PPP1R21: variants seen among roughly 807,000 people sequenced by gnomAD.
PPP1R21 encodes KLRAQ motif containing 1.
Under a neutral mutation model 112.8 loss-of-function variants are expected in PPP1R21, and 85 were observed. The observed-to-expected ratio is 0.75, with a 90% CI of 0.63 to 0.90. The LOEUF (loss-of-function observed/expected upper bound fraction) is 0.90. Ranked by LOEUF, PPP1R21 falls within the 40% of genes least tolerant of loss-of-function variation. PPP1R21 has a pLI of 0.00. For missense variants in PPP1R21, 1,199 were observed against 901.5 expected (o/e 1.33, Z -4.23); for synonymous variants, 381 against 322.3 (o/e 1.18, Z -1.95).
At chr2:48,443,674 C>T (rs967518859) in intron 1 of PPP1R21, among the ~76,000 whole-genome samples, 7 of 152,330 alleles carry the variant, frequency 4.6e-5, no homozygotes, top group African/African-American at 1.4e-4. Flanking sequence ...CACAGGAGAA[C>T]AGATCCTGAT....
chr2:48,483,294 G>A (rs1669118020), intron 13 of PPP1R21, among the ~76,000 whole-genome samples: 1 of 128,010 alleles, frequency 7.8e-6, no homozygotes, highest in South Asian at 2.5e-4. Context: ...CGATTCTCCT[G>A]CCTCAGCCTC....
intron 12 of PPP1R21, 25 bp downstream of exon 12, chr2:48,474,844 T>A: frequency 1.2e-6 from 2 of 1,604,828 alleles, no homozygotes; most frequent in Non-Finnish European, 1.7e-6. Context: ...TGCTTAGGGG[T>A]CAACTTCAAG....
At chr2:48,476,536 C>T (rs1334872401) in intron 12 of PPP1R21, among the ~76,000 whole-genome samples, 1 of 152,160 alleles carries the variant, frequency 6.6e-6, no homozygotes, top group Non-Finnish European at 1.5e-5. Flanking sequence ...GAGTGTTTTA[C>T]AAAGTGCTGT....
At chr2:48,459,241 C>T (rs951649815) in intron 4 of PPP1R21, among the ~76,000 whole-genome samples, 1 of 151,958 alleles carries the variant, frequency 6.6e-6, no homozygotes, top group African/African-American at 2.4e-5. Context: ...TTTTTGACCA[C>T]AGTGTATTTT....
chr2:48,500,683 G>T (rs978055045), intron 17 of PPP1R21, among the ~76,000 whole-genome samples: 1 of 152,176 alleles, frequency 6.6e-6, no homozygotes, highest in Non-Finnish European at 1.5e-5. Flanking sequence ...GGCCGAGGCG[G>T]GTGGATTGCC....
At chr2:48,487,193 A>G (rs959002041) in intron 14 of PPP1R21, among the ~76,000 whole-genome samples, 6 of 152,218 alleles carry the variant, frequency 3.9e-5, no homozygotes, top group African/African-American at 1.2e-4. Context: ...AGGGTCTGCC[A>G]TATAGAACAC....
chr2:48,510,197 C>A, intron 20 of PPP1R21, 84 bp downstream of exon 20: 1 of 928,164 alleles, frequency 1.1e-6, no homozygotes, highest in African/African-American at 1.7e-5. Flanking sequence ...TTTCCAAAGG[C>A]ATTTGATCTC....
At chr2:48,513,380 T>C (rs1037544651) in intron 21 of PPP1R21, among the ~76,000 whole-genome samples, 7 of 151,884 alleles carry the variant, frequency 4.6e-5, no homozygotes, top group East Asian at 3.9e-4. Context: ...AATTTTTTTT[T>C]TTTTTGTATT....
rs931143584 is a variant in PPP1R21 at position 48,499,821 on chromosome 2, T to G, written c.1935+1086T>G. 2.6e-5 allele frequency among the ~76,000 whole-genome samples: 4 copies of G among 152,246 alleles called. No homozygotes were observed. In the East Asian group the frequency reaches 7.7e-4, roughly 29 times the overall value. On this transcript the variant is annotated intron_variant, in intron 17 of 21. Transcript: ENST00000294952. ...TTGCTGTTATAGAATTTAAAGTTACTTTAAAAAATGTTTTCTAATTACACT... is the reference window on the plus strand; with the variant it reads ...TTGCTGTTATAGAATTTAAAGTTACGTTAAAAAATGTTTTCTAATTACACT...
chr2:48,457,720 T>C (rs1042544815), intron 3 of PPP1R21, among the ~76,000 whole-genome samples: 3 of 152,240 alleles, frequency 2.0e-5, no homozygotes, highest in Non-Finnish European at 4.4e-5. Context: ...CAATTTCTTA[T>C]GGAGTTTAAC....
chr2:48,494,025 C>T (rs146481140), intron 15 of PPP1R21, among the ~76,000 whole-genome samples: 2 of 132,552 alleles, frequency 1.5e-5, no homozygotes, highest in Non-Finnish European at 3.1e-5. Context: ...AGTTCGAGAT[C>T]AGCCTGGGCA....
chr2:48,487,169 C>A (rs1397478033), intron 14 of PPP1R21, among the ~76,000 whole-genome samples: 1 of 152,026 alleles, frequency 6.6e-6, no homozygotes, highest in Admixed American at 6.6e-5. Context: ...CAATATAGAT[C>A]GTTGTGTATA....
intron 17 of PPP1R21, among the ~76,000 whole-genome samples, chr2:48,500,869 A>G (rs151266342): frequency 2.0e-3 from 301 of 152,230 alleles, no homozygotes; most frequent in African/African-American, 6.7e-3. Flanking sequence ...AGATCATGCC[A>G]CTGCACTCCA....
intron 13 of PPP1R21, among the ~76,000 whole-genome samples, chr2:48,481,878 A>T (rs1276351125): frequency 6.6e-6 from 1 of 152,194 alleles, no homozygotes; most frequent in East Asian, 1.9e-4. Context: ...CTCACGTGAC[A>T]TGATAAAGTT....
At position 48,459,739 on chromosome 2, in the gene PPP1R21, G is replaced by C. The variant is rs895940147; in HGVS notation, c.376-15G>C. On this transcript the variant is annotated splice_polypyrimidine_tract_variant and intron_variant, in intron 4 of 21. Transcript: ENST00000294952. ...TAGGATATTGTGAGAAGAGAAAATG[G>C]TCTTCTCTTTTTAGTTTTTTGAAGC... is the stretch of plus-strand genomic sequence containing the variant. 1 of 1,606,354 alleles carries C rather than the reference G, an allele frequency of 6.2e-7. No homozygotes were observed. Among genetic ancestry groups the C allele is most frequent in the Non-Finnish European group, 8.5e-7 (1 of 1,177,136 alleles).
At chr2:48,505,700 T>G in intron 18 of PPP1R21, 104 bp downstream of exon 18, 1 of 965,200 alleles carries the variant, frequency 1.0e-6, no homozygotes, top group East Asian at 2.6e-5. Flanking sequence ...TGTTGTTGTT[T>G]TTTCCTGACA....
At chr2:48,456,125 T>C (rs1417253769) in intron 3 of PPP1R21, among the ~76,000 whole-genome samples, 1 of 152,046 alleles carries the variant, frequency 6.6e-6, no homozygotes, top group Non-Finnish European at 1.5e-5. Context: ...GCCAGTTTGG[T>C]GTTCTTGTCT....
intron 17 of PPP1R21, among the ~76,000 whole-genome samples, chr2:48,501,376 G>T (rs753174223): frequency 6.6e-6 from 1 of 152,106 alleles, no homozygotes; most frequent in African/African-American, 2.4e-5. Flanking sequence ...ACCAGGGAGG[G>T]TGCTGCTGAC....
intron 17 of PPP1R21, 144 bp downstream of exon 17, chr2:48,498,879 A>G (rs996022575): frequency 2.3e-6 from 2 of 872,362 alleles, no homozygotes; most frequent in African/African-American, 1.7e-5. Flanking sequence ...AATCACAGAA[A>G]TTTATTTCTC....
Sources: allele counts gnomAD v4.1 joint callset (sites outside exome capture counted in the v4.1 genomes callset), GRCh38; gene constraint gnomAD v4.1.1; transcripts MANE v1.5; gene names NCBI Gene and HGNC (gene_info 2026-07-23, HGNC 2026-07-21).